The following SGO1 variants were observed in gnomAD, a reference collection of about 807,000 sequenced individuals.
The protein encoded by SGO1 is serologically defined breast cancer antigen NY-BR-85.
A neutral mutation model predicts 50.5 loss-of-function variants in SGO1; 39 were observed. That is an observed-to-expected ratio of 0.77 (90% CI 0.60 to 1.01). SGO1 has a LOEUF of 1.01. SGO1 is among the 50% of genes least tolerant of loss of function. The pLI is 0.00. For missense variants in SGO1, 638 were observed against 606.0 expected (o/e 1.05, Z -0.55); for synonymous variants, 191 against 205.1 (o/e 0.93, Z 0.59).
chr3:20,168,824 G>A, downstream of SGO1: 1 of 402,648 alleles, frequency 2.5e-6, no homozygotes, highest in South Asian at 1.0e-4. Context: ...TAGAGACGGG[G>A]TTTCACCGTA....
chr3:20,161,273 C>T (rs1211453362), intron 8 of SGO1: 5 of 1,448,038 alleles, frequency 3.5e-6, no homozygotes, highest in Non-Finnish European at 4.5e-6. Context: ...GTTTCTACAA[C>T]CTAGTCCACA....
chr3:20,185,633 C>A (rs532844559), intron 1 of SGO1, among the ~76,000 whole-genome samples: 1 of 152,200 alleles, frequency 6.6e-6, no homozygotes, highest in African/African-American at 2.4e-5. Context: ...AGAGAATGGC[C>A]TGGACAAGGA....
chr3:20,184,045 A>G lies in SGO1; in HGVS notation c.-7-11T>C. 6.5e-7 allele frequency: 1 copy of G among 1,549,036 alleles called. No individual in the cohort carries two copies. Among genetic ancestry groups the G allele is most frequent in the Non-Finnish European group, 8.6e-7 (1 of 1,157,634 alleles). ...TTGGCCATCTTTTGCCTAAACAATA[A>G]AAAATATTTTTTCTCAGAGAGAATA... On this transcript the variant is annotated splice_polypyrimidine_tract_variant and intron_variant, in intron 1 of 7. Coordinates refer to ENST00000412997, the MANE Select transcript of SGO1 (RefSeq NM_001199251.3).
chr3:20,179,678 C>T (rs1701796094), intron 3 of SGO1, among the ~76,000 whole-genome samples: 1 of 152,144 alleles, frequency 6.6e-6, no homozygotes, highest in South Asian at 2.1e-4. Flanking sequence ...ATCCTCTCAC[C>T]TCAGCCTCCC....
At position 20,170,377 on chromosome 3, in the gene SGO1, A is replaced by G. The variant is rs1700590132; in HGVS notation, c.*327T>C. ...CGTGCCATTGCACTCCAGCCTGGGCAACAAGAATGAAATTCCGCCTCCAAA... is the reference window on the plus strand; with the variant it reads ...CGTGCCATTGCACTCCAGCCTGGGCGACAAGAATGAAATTCCGCCTCCAAA... On this transcript the variant is annotated 3_prime_UTR_variant, in exon 8 of 8. Coordinates refer to ENST00000412997, the MANE Select transcript of SGO1 (RefSeq NM_001199251.3). 1 of 927,434 alleles carries G rather than the reference A, an allele frequency of 1.1e-6. No homozygotes were observed. The highest frequency in any genetic ancestry group is 1.3e-6 in the Non-Finnish European group (1 of 776,744). 57.5% of individuals were successfully genotyped at this position (927,434 alleles called of 1,614,324 possible). A position where few individuals can be genotyped will look rare whatever the true frequency, so the allele number is the denominator to read the frequency against.
chr3:20,171,001 C>G (rs747633064), intron 7 of SGO1, 42 bp downstream of exon 7: 2 of 1,532,982 alleles, frequency 1.3e-6, no homozygotes, highest in African/African-American at 2.8e-5. Flanking sequence ...TTCCCCCCGA[C>G]ATGTATCATT....
intron 5 of SGO1, among the ~76,000 whole-genome samples, chr3:20,175,858 A>G (rs181084509): frequency 2.0e-5 from 3 of 152,292 alleles, no homozygotes; most frequent in Non-Finnish European, 2.9e-5. Context: ...TGAATAGTCT[A>G]TATGTATCAT....
At chr3:20,184,416 T>C (rs1702387967) in intron 1 of SGO1, among the ~76,000 whole-genome samples, 1 of 152,210 alleles carries the variant, frequency 6.6e-6, no homozygotes, top group African/African-American at 2.4e-5. Context: ...AGGACCAACT[T>C]TTACTGCTTA....
In SGO1 at chr3:20,178,345, G is replaced by A. The variant is rs2125337616; in HGVS notation, c.342C>T (p.Asn114=). The A allele has an allele frequency of 1.2e-6, 2 of 1,608,576 alleles. No individual in the cohort carries two copies. The highest frequency in any genetic ancestry group is 1.7e-6 in the Non-Finnish European group (2 of 1,175,426). The change falls in exon 4 of 8, where the codon AAC becomes AAT. Residue 114 remains asparagine (N), a splice_region_variant and synonymous_variant. Coordinates refer to ENST00000412997, the MANE Select transcript of SGO1 (RefSeq NM_001199251.3). The stretch of plus-strand genomic sequence containing the variant: ...CCATTCCAGAGGAACATATTTCCTG[G>A]TTCTGTTAATGTATTAAAACAAAAC... ...TSQQTVEPAQ[N]QEICSSGMDP... is the part of the protein sequence containing the mutation.
At chr3:20,169,039 A>C (rs1700467465), downstream of SGO1, 14 of 985,114 alleles carry the variant, frequency 1.4e-5, no homozygotes, top group Non-Finnish European at 1.7e-5. Flanking sequence ...TAAGAAAAAA[A>C]AAACTTAAAA....
chr3:20,165,231 C>G (rs1276631842), downstream of SGO1, among the ~76,000 whole-genome samples: 1 of 152,126 alleles, frequency 6.6e-6, no homozygotes, highest in Non-Finnish European at 1.5e-5. Flanking sequence ...GCACTAGGCT[C>G]TTTTAAACAA....
chr3:20,170,686 C>T lies in SGO1; in HGVS notation c.*18G>A. The T allele has an allele frequency of 6.4e-7, 1 of 1,553,576 alleles. No individual in the cohort carries two copies. Among genetic ancestry groups the T allele is most frequent in the East Asian group, 2.3e-5 (1 of 43,168 alleles). On this transcript the variant is annotated 3_prime_UTR_variant, in exon 8 of 8. Transcript: ENST00000412997. ...GAAAGAGGTGTAGATTGAATTTAAA[C>T]AATATCCAACAAAACCTTCATTGTA... is the stretch of plus-strand genomic sequence containing the variant.
chr3:20,179,514 TC>T (rs80295735), intron 3 of SGO1, among the ~76,000 whole-genome samples: 29,434 of 152,038 alleles, frequency 0.19, 3,194 homozygotes, highest in East Asian at 0.38. Context: ...AGCCTTGAAC[TC>T]CTGGGCACAA....
intron 6 of SGO1, 54 bp downstream of exon 6, chr3:20,174,195 A>C: frequency 7.5e-7 from 1 of 1,335,598 alleles, no homozygotes. Flanking sequence ...AAGCATCAGG[A>C]GTGATCATTT....
chr3:20,169,401 G>C (rs1700497203), downstream of SGO1: 1 of 984,982 alleles, frequency 1.0e-6, no homozygotes, highest in African/African-American at 1.7e-5. Flanking sequence ...GGGGAGGGGA[G>C]AGGAAATGTC....
In SGO1 at chr3:20,170,833, G is replaced by A. The variant is rs1472680467; in HGVS notation, c.1473-18C>T. ...TCAGTTTCCTGTAAGAGTAAAAAGA[G>A]ATCTCAGGCATAATGTAAGCATCCC... is the stretch of plus-strand genomic sequence containing the variant. On this transcript the variant is annotated intron_variant, in intron 7 of 7. Transcript: ENST00000412997. 6.3e-7 allele frequency: 1 copy of A among 1,581,494 alleles called. No individual in the cohort carries two copies. Among genetic ancestry groups the A allele is most frequent in the Non-Finnish European group, 8.5e-7 (1 of 1,171,364 alleles).
At chr3:20,163,521 A>AT (rs765083622) in intron 8 of SGO1, among the ~76,000 whole-genome samples, 5 of 152,176 alleles carry the variant, frequency 3.3e-5, no homozygotes, top group Non-Finnish European at 7.4e-5. Context: ...AGGATTTGAC[A>AT]TTTTCAGGTT....
intron 6 of SGO1, among the ~76,000 whole-genome samples, chr3:20,173,923 T>C (rs972256211): frequency 1.3e-5 from 2 of 152,216 alleles, no homozygotes; most frequent in Non-Finnish European, 2.9e-5. Context: ...TTCAAGGGGA[T>C]ACTTCAGTTA....
At chr3:20,166,842 C>CAA (rs58288144), downstream of SGO1, among the ~76,000 whole-genome samples, 692 of 42,760 alleles carry the variant, frequency 0.016, 34 homozygotes, top group South Asian at 0.026. Context: ...CCATCTCTAC[C>CAA]AAAAAAAAAA....
Sources: gnomAD v4.1 joint callset for allele counts (sites outside exome capture counted in the v4.1 genomes callset) on GRCh38, gnomAD v4.1.1 for gene constraint, MANE v1.5 for transcripts, NCBI Gene and HGNC (gene_info 2026-07-23, HGNC 2026-07-21) for gene names.